The following TOP1 variants were observed in gnomAD, a reference collection of about 807,000 sequenced individuals.
TOP1 encodes the protein DNA topoisomerase I, also known as DNA topoisomerase 1.
In TOP1, 10 loss-of-function variants were observed where a neutral mutation model predicts 111.1. The observed-to-expected ratio is 0.09, with a 90% CI of 0.06 to 0.15. TOP1 has a LOEUF of 0.15. Ranked by LOEUF, TOP1 falls within the 10% of genes least tolerant of loss-of-function variation. TOP1 has a pLI of 1.00. For synonymous variants in TOP1, 271 were observed against 302.9 expected (o/e 0.89, Z 1.10); for missense variants, 474 against 926.7 (o/e 0.51, Z 6.34).
intron 3 of TOP1, chr20:41,072,144 G>A: frequency 9.1e-6 from 7 of 768,340 alleles, no homozygotes; most frequent in Non-Finnish European, 9.5e-6. Flanking sequence ...CCCTACTGAA[G>A]TTTCTTCAGT....
Position 41,100,270 on chromosome 20 carries a change from C to A in TOP1, c.1163+27C>A. ...TGAGCTCGCACTTCATCCTATGGGC[C>A]AAAAAGGGGGTGGAGGGCGTCCTTT... On this transcript the variant is annotated intron_variant, in intron 12 of 20. Coordinates refer to ENST00000361337, the MANE Select transcript of TOP1 (RefSeq NM_003286.4). The surrounding 1 kb of genome is among the most constrained non-coding windows in gnomAD (Gnocchi z 4.4). 6.3e-7 allele frequency: 1 copy of A among 1,584,272 alleles called. No individual in the cohort carries two copies. The highest frequency in any genetic ancestry group is 8.6e-7 in the Non-Finnish European group (1 of 1,162,546).
intron 2 of TOP1, among the ~76,000 whole-genome samples, chr20:41,041,668 C>T (rs1259187155): frequency 1.3e-5 from 2 of 152,036 alleles, no homozygotes; most frequent in Non-Finnish European, 2.9e-5. Context: ...TATTCCTACT[C>T]GTACACCTTG....
chr20:41,052,537 G>T (rs1411511201), intron 2 of TOP1, among the ~76,000 whole-genome samples: 1 of 152,098 alleles, frequency 6.6e-6, no homozygotes, highest in Non-Finnish European at 1.5e-5. Context: ...TTTGGGTTTA[G>T]GCCAGCTTTC....
Position 41,080,020 on chromosome 20 carries a change from C to A in TOP1, c.336-65C>A. ...CTTCTTTTCAACGAAATGACATATT[C>A]CTTCTTTGTATTAATAGAATACAGA... On this transcript the variant is annotated intron_variant, in intron 5 of 20. Transcript: ENST00000361337. The surrounding 1 kb of genome is among the most constrained non-coding windows in gnomAD (Gnocchi z 5.0). 1.1e-6 allele frequency: 1 copy of A among 942,104 alleles called. No individual in the cohort carries two copies. The highest frequency in any genetic ancestry group is 1.7e-6 in the Non-Finnish European group (1 of 590,578). The allele number at this position is 942,104 out of a possible 1,614,324, so 58.4% of individuals were successfully genotyped here. A position where few individuals can be genotyped will look rare whatever the true frequency, so the allele number is the denominator to read the frequency against.
chr20:41,039,614 A>C (rs2033234769), intron 2 of TOP1, among the ~76,000 whole-genome samples: 1 of 152,156 alleles, frequency 6.6e-6, no homozygotes, highest in Non-Finnish European at 1.5e-5. Context: ...ATTTTAGAAA[A>C]ATAGTTTTCA....
At position 41,121,905 on chromosome 20, in the gene TOP1, T is replaced by C; in HGVS notation, c.2046-101T>C. The C allele has an allele frequency of 6.4e-7, 1 of 1,563,762 alleles. No homozygotes were observed. The highest frequency in any genetic ancestry group is 8.7e-7 in the Non-Finnish European group (1 of 1,145,720). ...TTCTGAGAAATGTCTTTTGGAAATCTCTATACTAGGGCTTTTATTGACTCA... is the reference window on the plus strand; with the variant it reads ...TTCTGAGAAATGTCTTTTGGAAATCCCTATACTAGGGCTTTTATTGACTCA... On this transcript the variant is annotated intron_variant, in intron 19 of 20. Transcript: ENST00000361337. This position sits in a 1 kb window ranked among gnomAD's most constrained non-coding sequence, Gnocchi z 4.2.
rs541560037 is a variant in TOP1 at position 41,036,771 on chromosome 20, G to A, written c.58+7316G>A. Among the ~76,000 whole-genome samples the A allele has an allele frequency of 7.9e-5, 12 of 151,782 alleles. No homozygotes were observed. The South Asian group carries it at 1.7e-3, about 21-fold the overall frequency. The stretch of plus-strand genomic sequence containing the variant: ...CAAAGCGGTCACTGTAAAGTAAAAG[G>A]TGTCTTCATATCTAGGTTTGGGCTG... On this transcript the variant is annotated intron_variant, in intron 2 of 20. Coordinates refer to ENST00000361337, the MANE Select transcript of TOP1 (RefSeq NM_003286.4).
At chr20:41,103,715 G>T (rs1052047662) in intron 13 of TOP1, among the ~76,000 whole-genome samples, 1 of 152,068 alleles carries the variant, frequency 6.6e-6, no homozygotes, top group African/African-American at 2.4e-5. Context: ...TTCCTCTCCT[G>T]CCTCTTTCTT....
intron 2 of TOP1, among the ~76,000 whole-genome samples, chr20:41,033,395 C>T (rs956729514): frequency 5.4e-5 from 8 of 148,342 alleles, no homozygotes; most frequent in Non-Finnish European, 1.2e-4. Context: ...TTTCCCCTTG[C>T]TGTCAGCATA....
chr20:41,036,377 T>C (rs1002451428), intron 2 of TOP1, among the ~76,000 whole-genome samples: 1 of 152,102 alleles, frequency 6.6e-6, no homozygotes, highest in Non-Finnish European at 1.5e-5. Flanking sequence ...TTCCGAAAAA[T>C]CGAGATAAGT....
Position 41,098,344 on chromosome 20 carries a change from C to T in TOP1, c.975+7C>T. 1 of 1,610,570 alleles carries T rather than the reference C, an allele frequency of 6.2e-7. No individual in the cohort carries two copies. The highest frequency in any genetic ancestry group is 8.5e-7 in the Non-Finnish European group (1 of 1,179,104). On this transcript the variant is annotated splice_region_variant and intron_variant, in intron 11 of 20. Transcript: ENST00000361337. The surrounding 1 kb of genome is among the most constrained non-coding windows in gnomAD (Gnocchi z 5.7). Reference sequence around the variant, plus strand: ...GAGCAAGGAAGAGAAACTGGTACTACAGAATTTATTAAACCTCTGGAGAAT... The same window carrying T: ...GAGCAAGGAAGAGAAACTGGTACTATAGAATTTATTAAACCTCTGGAGAAT...
rs1568667064 is a variant in TOP1 at position 41,030,028 on chromosome 20, A to T, written c.58+573A>T. The stretch of plus-strand genomic sequence containing the variant: ...GAAAGATTTCCTTAAGCAACTGTTA[A>T]TTTTTTTTTTGATAGGCTGTTTATG... On this transcript the variant is annotated intron_variant, in intron 2 of 20. Coordinates refer to ENST00000361337, the MANE Select transcript of TOP1 (RefSeq NM_003286.4). This position sits in a 1 kb window ranked among gnomAD's most constrained non-coding sequence, Gnocchi z 4.1. 6.7e-6 allele frequency among the ~76,000 whole-genome samples: 1 copy of T among 150,262 alleles called. No individual in the cohort carries two copies. Among genetic ancestry groups the T allele is most frequent in the Admixed American group, 6.6e-5 (1 of 15,066 alleles).
intron 7 of TOP1, among the ~76,000 whole-genome samples, chr20:41,081,835 C>T (rs7346022): frequency 3.3e-5 from 5 of 152,162 alleles, no homozygotes; most frequent in Non-Finnish European, 4.4e-5. Flanking sequence ...CCGAGCTTTA[C>T]GTAGCACCTG....
chr20:41,032,831 G>A lies in TOP1; in HGVS notation c.58+3376G>A, dbSNP rs917205867. ...GATGGGCGGTAGCATAGCTGATTGC[G>A]GTGGGGGAATTTCAGATAGCTGATG... On this transcript the variant is annotated intron_variant, in intron 2 of 20. Coordinates refer to ENST00000361337, the MANE Select transcript of TOP1 (RefSeq NM_003286.4). This position sits in a 1 kb window ranked among gnomAD's most constrained non-coding sequence, Gnocchi z 4.3. 6.6e-6 allele frequency among the ~76,000 whole-genome samples: 1 copy of A among 152,132 alleles called. No individual in the cohort carries two copies. The highest frequency in any genetic ancestry group is 6.5e-5 in the Admixed American group (1 of 15,274).
chr20:41,098,483 T>G lies in TOP1; in HGVS notation c.975+146T>G. On this transcript the variant is annotated intron_variant, in intron 11 of 20. Coordinates refer to ENST00000361337, the MANE Select transcript of TOP1 (RefSeq NM_003286.4). The surrounding 1 kb of genome is among the most constrained non-coding windows in gnomAD (Gnocchi z 5.7). ...AGACTTAGAGTTCTCAAAGTCTAAATTTTCTTAAAGGTTTTAGTTAGACTG... is the reference window on the plus strand; with the variant it reads ...AGACTTAGAGTTCTCAAAGTCTAAAGTTTCTTAAAGGTTTTAGTTAGACTG... 5 of 954,094 alleles carry G rather than the reference T, an allele frequency of 5.2e-6. No individual in the cohort carries two copies. Among genetic ancestry groups the G allele is most frequent in the Non-Finnish European group, 7.6e-6 (5 of 658,366 alleles). The allele number at this position is 954,094 out of a possible 1,614,324, so 59.1% of individuals were successfully genotyped here.
intron 7 of TOP1, 131 bp downstream of exon 7, chr20:41,081,371 T>C: frequency 3.6e-6 from 4 of 1,109,416 alleles, no homozygotes; most frequent in Non-Finnish European, 3.6e-6. Context: ...ACAAATTTAA[T>C]AAGTGGTGGC....
chr20:41,080,010 A>C lies in TOP1; in HGVS notation c.336-75A>C, dbSNP rs555305096. 1.1e-6 allele frequency: 1 copy of C among 893,542 alleles called. No homozygotes were observed. Among genetic ancestry groups the C allele is most frequent in the Admixed American group, 2.2e-5 (1 of 45,100 alleles). The allele number at this position is 893,542 out of a possible 1,614,324, so 55.4% of individuals were successfully genotyped here. On this transcript the variant is annotated intron_variant, in intron 5 of 20. Transcript: ENST00000361337. The surrounding 1 kb of genome is among the most constrained non-coding windows in gnomAD (Gnocchi z 5.0). ...TTTCTGTTAGCTTCTTTTCAACGAA[A>C]TGACATATTCCTTCTTTGTATTAAT... is the stretch of plus-strand genomic sequence containing the variant.
At chr20:41,086,641 C>T (rs1396675358) in intron 8 of TOP1, among the ~76,000 whole-genome samples, 1 of 152,184 alleles carries the variant, frequency 6.6e-6, no homozygotes, top group Admixed American at 6.5e-5. Context: ...CCTAATTTTG[C>T]TTTTGTGGTT....
chr20:41,073,833 A>G (rs1397087876), intron 3 of TOP1, among the ~76,000 whole-genome samples: 1 of 152,178 alleles, frequency 6.6e-6, no homozygotes, highest in Non-Finnish European at 1.5e-5. Context: ...TTGTTTTGCC[A>G]TCCCCTCCCC....
Sources: gnomAD v4.1 joint callset for allele counts (sites outside exome capture counted in the v4.1 genomes callset) on GRCh38, gnomAD v4.1.1 for gene constraint, Gnocchi (gnomAD v3.1) non-coding constraint, MANE v1.5 for transcripts, NCBI Gene and HGNC (gene_info 2026-07-23, HGNC 2026-07-21) for gene names.